The following IGDCC3 variants were observed in gnomAD, a reference collection of about 807,000 sequenced individuals.
The protein encoded by IGDCC3 is immunoglobulin superfamily DCC subclass member 3.
Under a neutral mutation model 72.0 loss-of-function variants are expected in IGDCC3, and 47 were observed. The observed-to-expected ratio is 0.65, with a 90% CI of 0.52 to 0.83. The LOEUF (loss-of-function observed/expected upper bound fraction) is 0.83. Among genes scored for constraint, IGDCC3 ranks in the 40% least tolerant of loss-of-function variants. The pLI is 0.00. For missense variants in IGDCC3, 1,038 were observed against 1,091.3 expected, an observed-to-expected ratio of 0.95 and a Z score of 0.69; for synonymous variants, 477 against 472.8, an observed-to-expected ratio of 1.01 and a Z score of -0.11.
Position 65,329,926 on chromosome 15 carries a change from A to C in IGDCC3, c.1859-62T>G. 6.3e-7 allele frequency: 1 copy of C among 1,582,130 alleles called. No homozygotes were observed. The highest frequency in any genetic ancestry group is 8.7e-7 in the Non-Finnish European group (1 of 1,154,446). Reference sequence around the variant, plus strand: ...AGGTCTGAAGCACTCCCAAACACCCAGCCTCTGGGGACTCCTCTTCCTTCA... The same window carrying C: ...AGGTCTGAAGCACTCCCAAACACCCCGCCTCTGGGGACTCCTCTTCCTTCA... On this transcript the variant is annotated intron_variant, in intron 11 of 13. Transcript: ENST00000327987. This position sits in a 1 kb window ranked among gnomAD's most constrained non-coding sequence, Gnocchi z 4.1.
chr15:65,364,971 C>G (rs1214649994), intron 2 of IGDCC3, among the ~76,000 whole-genome samples: 1 of 152,152 alleles, frequency 6.6e-6, no homozygotes. Flanking sequence ...AACCAGAGGG[C>G]AGTGAAGAGT....
chr15:65,329,543 C>T lies in IGDCC3; in HGVS notation c.2052G>A (p.Arg684=), dbSNP rs2090957060. 11 of 1,609,318 alleles carry T rather than the reference C, an allele frequency of 6.8e-6. No individual in the cohort carries two copies. The highest frequency in any genetic ancestry group is 9.3e-6 in the Non-Finnish European group (11 of 1,178,802). Residue 684 remains arginine (R), a synonymous_variant, in exon 13 of 14, where the codon CGG becomes CGA. Coordinates refer to ENST00000327987, the MANE Select transcript of IGDCC3 (RefSeq NM_004884.4). This position sits in a 1 kb window ranked among gnomAD's most constrained non-coding sequence, Gnocchi z 4.1. ...CTAGAATGCCAGGGTCCCTCTGGCT[C>T]CGGGGACCCTGTGGAGGGGACAGCT... ...ENQLSPPQGP[R]SQRDPGILAL... is the part of the protein sequence containing the mutation.
intron 2 of IGDCC3, among the ~76,000 whole-genome samples, chr15:65,349,552 C>G (rs2140154293): frequency 6.6e-6 from 1 of 152,270 alleles, no homozygotes; most frequent in African/African-American, 2.4e-5. Context: ...CGAGGGGGTA[C>G]TTCAGGATAA....
In IGDCC3 at chr15:65,337,090, C is replaced by T. The variant is rs187682369; in HGVS notation, c.410-1134G>A. On this transcript the variant is annotated intron_variant, in intron 2 of 13. Coordinates refer to ENST00000327987, the MANE Select transcript of IGDCC3 (RefSeq NM_004884.4). ...TCCCTGGTGTGGGCAGGCCACCCTC[C>T]CCGTGGCCCCCATCCCCCATCTCAG... Among the ~76,000 whole-genome samples, 42 of 152,302 alleles carry T rather than the reference C, an allele frequency of 2.8e-4. No homozygotes were observed. The East Asian group carries it at 6.6e-3, about 24-fold the overall frequency.
intron 1 of IGDCC3, 36 bp from the exon 2 acceptor site, chr15:65,375,438 G>A: frequency 6.6e-7 from 1 of 1,515,558 alleles, no homozygotes; most frequent in Non-Finnish European, 9.0e-7. Context: ...GGAAATAGGG[G>A]TGTTAGTATG....
Position 65,370,620 on chromosome 15 carries a change from G to GTATATATATATATATATATATA in IGDCC3, c.409+4455_409+4476dup, listed in dbSNP as rs71136346. 4.2e-5 allele frequency among the ~76,000 whole-genome samples: 4 copies of GTATATATATATATATATATATA among 94,576 alleles called. No individual in the cohort carries two copies. The East Asian group carries it at 1.2e-3, about 28-fold the overall frequency. 62.0% of individuals were successfully genotyped at this position (94,576 alleles called of 152,430 possible). A position where few individuals can be genotyped will look rare whatever the true frequency, so the allele number is the denominator to read the frequency against. On this transcript the variant is annotated intron_variant, in intron 2 of 13. Transcript: ENST00000327987. Reference sequence around the variant, plus strand: ...TATGTATGTGTATATATATGTATGTGTATATATATATATATATATATATAT... The same window carrying GTATATATATATATATATATATA: ...TATGTATGTGTATATATATGTATGTGTATATATATATATATATATATATATATATATATATATATATATATAT...
At chr15:65,354,187 T>G (rs1202583966) in intron 2 of IGDCC3, among the ~76,000 whole-genome samples, 1 of 152,228 alleles carries the variant, frequency 6.6e-6, no homozygotes, top group Non-Finnish European at 1.5e-5. Flanking sequence ...ATTATAGCCG[T>G]GAGCCACTGT....
rs78603770 is a variant in IGDCC3 at position 65,362,674 on chromosome 15, A to G, written c.409+12423T>C. ...GCCGTGCCCCCTCCCATTTTCCACA[A>G]AGACAAACTGAGGCTCAGCAGTGTT... On this transcript the variant is annotated intron_variant, in intron 2 of 13. Transcript: ENST00000327987. Among the ~76,000 whole-genome samples, 1,223 of 152,068 alleles carry G rather than the reference A, an allele frequency of 8.0e-3. 21 individuals carry two copies. The highest frequency in any genetic ancestry group is 0.028 in the African/African-American group (1,150 of 41,468).
chr15:65,340,260 G>T (rs1194251551), intron 2 of IGDCC3, among the ~76,000 whole-genome samples: 1 of 152,124 alleles, frequency 6.6e-6, no homozygotes, highest in Non-Finnish European at 1.5e-5. Flanking sequence ...GGTCAGGCCT[G>T]GATCTGATTA....
intron 11 of IGDCC3, 50 bp downstream of exon 11, chr15:65,330,243 T>C: frequency 7.4e-7 from 1 of 1,356,776 alleles, no homozygotes; most frequent in Non-Finnish European, 1.0e-6. Flanking sequence ...ACCCCATTAC[T>C]TTCCCGGCTT....
At chr15:65,364,270 C>A (rs781455004) in intron 2 of IGDCC3, among the ~76,000 whole-genome samples, 1 of 152,164 alleles carries the variant, frequency 6.6e-6, no homozygotes, top group Non-Finnish European at 1.5e-5. Context: ...GTACCCTCGG[C>A]CAATTTAATT....
chr15:65,335,226 C>G, intron 4 of IGDCC3, 65 bp downstream of exon 4: 1 of 1,536,154 alleles, frequency 6.5e-7, no homozygotes, highest in Non-Finnish European at 8.8e-7. Context: ...GGGGGTTGAT[C>G]TAAGGGTAGG....
At position 65,331,525 on chromosome 15, in the gene IGDCC3, C is replaced by T. The variant is rs1322383051; in HGVS notation, c.1283G>A (p.Arg428His). The change falls in exon 8 of 14, where the codon CGC becomes CAC. Residue 428 changes from arginine (R) to histidine (H), a missense_variant. Transcript: ENST00000327987. Reference sequence around the variant, plus strand: ...AGACACAGAGACTGCCCGCACATTGCGGGGAGGCCCGGGGAGCCCCTCAGC... The same window carrying T: ...AGACACAGAGACTGCCCGCACATTGTGGGGAGGCCCGGGGAGCCCCTCAGC... ...LWAEGLPGPPRNVRAVSVSST... is the reference protein window; with the variant it reads ...LWAEGLPGPPHNVRAVSVSST... The T allele has an allele frequency of 4.3e-6, 7 of 1,613,424 alleles. No individual in the cohort carries two copies. The highest frequency in any genetic ancestry group is 1.3e-5 in the African/African-American group (1 of 74,914).
At chr15:65,353,485 G>A (rs991552205) in intron 2 of IGDCC3, among the ~76,000 whole-genome samples, 10 of 152,146 alleles carry the variant, frequency 6.6e-5, no homozygotes, top group African/African-American at 2.4e-4. Flanking sequence ...CTCCTGACCT[G>A]GTGATCTGCC....
chr15:65,335,960 G>C lies in IGDCC3; in HGVS notation c.410-4C>G, dbSNP rs753939923. ...TGCACGTGGAAGTCCGACATGGCTG[G>C]GGGAAGAGAAGTGTATGAGTGCAGT... On this transcript the variant is annotated splice_region_variant and splice_polypyrimidine_tract_variant and intron_variant, in intron 2 of 13. Coordinates refer to ENST00000327987, the MANE Select transcript of IGDCC3 (RefSeq NM_004884.4). 6.2e-7 allele frequency: 1 copy of C among 1,613,984 alleles called. No homozygotes were observed. The highest frequency in any genetic ancestry group is 8.5e-7 in the Non-Finnish European group (1 of 1,180,012).
intron 2 of IGDCC3, among the ~76,000 whole-genome samples, chr15:65,355,519 G>C (rs1169274030): frequency 6.7e-6 from 1 of 149,930 alleles, no homozygotes; most frequent in Middle Eastern, 3.4e-3. Context: ...GCGCGAGCCC[G>C]GAGGACGCGG....
chr15:65,375,314 C>T lies in IGDCC3; in HGVS notation c.192G>A (p.Arg64=). 6.2e-7 allele frequency: 1 copy of T among 1,614,024 alleles called. No homozygotes were observed. The highest frequency in any genetic ancestry group is 8.5e-7 in the Non-Finnish European group (1 of 1,179,932). The change falls in exon 2 of 14, where the codon AGG becomes AGA. Residue 64 remains arginine (R), a synonymous_variant. Transcript: ENST00000327987. ...TTCGCACTGGAGGGGTCCCCTCCAC[C>T]CTGCAGTCCAGCACTATAGGCTGCC... ...VPGQPIVLDC[R]VEGTPPVRIT...
At chr15:65,335,539 G>A in intron 3 of IGDCC3, 118 bp from the exon 4 acceptor site, 1 of 1,075,058 alleles carries the variant, frequency 9.3e-7, no homozygotes. Flanking sequence ...CCCAACATCA[G>A]CAGACACACA....
rs145775314 is a variant in IGDCC3, at chr15:65,331,467, C to T, written c.1341G>A (p.Pro447=). 949 of 1,612,952 alleles carry T rather than the reference C, an allele frequency of 5.9e-4. 1 individual carries two copies. The highest frequency in any genetic ancestry group is 6.7e-4 in the Non-Finnish European group (789 of 1,179,604). Residue 447 remains proline, a synonymous_variant, in exon 8 of 14, where the codon CCG becomes CCA. Coordinates refer to ENST00000327987, the MANE Select transcript of IGDCC3 (RefSeq NM_004884.4). The stretch of plus-strand genomic sequence containing the variant: ...CGATGATCTCCTTGGTGTTGGCCAG[C>T]GGCTCACTCCAGGACACACGCACCT... ...STEVRVSWSE[P]LANTKEIIGY...
Sources: allele counts gnomAD v4.1 joint callset (sites outside exome capture counted in the v4.1 genomes callset), GRCh38; gene constraint gnomAD v4.1.1; non-coding constraint Gnocchi (gnomAD v3.1); transcripts MANE v1.5; gene names NCBI Gene and HGNC (gene_info 2026-07-23, HGNC 2026-07-21).